Variants in PLXDC1 observed in about 807,000 individuals in gnomAD.
PLXDC1 encodes plexin domain containing 1, also known as plexin domain-containing protein 1.
PLXDC1 carries 39 observed loss-of-function variants against 61.3 expected under a neutral mutation model. The observed-to-expected ratio is 0.64, with a 90% CI of 0.49 to 0.83. PLXDC1 has a LOEUF of 0.83. Among genes scored for constraint, PLXDC1 ranks in the 40% least tolerant of loss-of-function variants. The pLI is 0.00. For missense variants in PLXDC1, 596 were observed against 666.5 expected, an observed-to-expected ratio of 0.89 and a Z score of 1.17; for synonymous variants, 212 against 254.5, an observed-to-expected ratio of 0.83 and a Z score of 1.59.
intron 2 of PLXDC1, among the ~76,000 whole-genome samples, chr17:39,120,575 A>G (rs1212913176): frequency 2.1e-5 from 3 of 145,168 alleles, no homozygotes; most frequent in Non-Finnish European, 3.0e-5. Context: ...TTTTCCACTG[A>G]CTCCAAGTTT....
chr17:39,117,529 A>G (rs1296401074), intron 2 of PLXDC1, among the ~76,000 whole-genome samples: 1 of 152,110 alleles, frequency 6.6e-6, no homozygotes, highest in Non-Finnish European at 1.5e-5. Context: ...CCAGGAGTTC[A>G]AGACCAGCTT....
intron 2 of PLXDC1, among the ~76,000 whole-genome samples, chr17:39,129,547 G>A (rs1160738133): frequency 2.1e-5 from 3 of 145,926 alleles, no homozygotes; most frequent in East Asian, 4.2e-4. Context: ...AACCCGGGAG[G>A]CGGAGGTTGC....
chr17:39,106,122 C>A, intron 6 of PLXDC1, among the ~76,000 whole-genome samples, 169 bp from the exon 7 acceptor site: 1 of 151,942 alleles, frequency 6.6e-6, no homozygotes, highest in Non-Finnish European at 1.5e-5. Flanking sequence ...CTCTCCACAC[C>A]ACCTCCAAGC....
chr17:39,150,944 G>A (rs1286578988), intron 1 of PLXDC1, among the ~76,000 whole-genome samples: 1 of 152,176 alleles, frequency 6.6e-6, no homozygotes, highest in Non-Finnish European at 1.5e-5. Context: ...CTTTGGGGTC[G>A]GGGGTGTGGC....
At chr17:39,095,656 TTTTTG>T (rs952269323) in intron 7 of PLXDC1, among the ~76,000 whole-genome samples, 1 of 150,942 alleles carries the variant, frequency 6.6e-6, no homozygotes, top group African/African-American at 2.4e-5. Flanking sequence ...GGGGGGGTTG[TTTTTG>T]TTTTGTTTTG....
chr17:39,072,527 A>G (rs1197150231), intron 11 of PLXDC1, 42 bp from the exon 12 acceptor site: 15 of 1,238,972 alleles, frequency 1.2e-5, no homozygotes, highest in Non-Finnish European at 1.7e-5. Flanking sequence ...TAGTGGAATC[A>G]TTACAGCCTT....
intron 4 of PLXDC1, 148 bp from the exon 5 acceptor site, chr17:39,108,393 TG>T: frequency 1.3e-6 from 1 of 789,706 alleles, no homozygotes; most frequent in Non-Finnish European, 2.1e-6. Context: ...TGGCGGGCTC[TG>T]GGTCTGGTGT....
chr17:39,079,806 G>T (rs1909485431), intron 9 of PLXDC1: 2 of 337,272 alleles, frequency 5.9e-6, no homozygotes, highest in South Asian at 4.6e-5. Flanking sequence ...GGTGCTAGGG[G>T]AACCCACCAA....
intron 7 of PLXDC1, among the ~76,000 whole-genome samples, chr17:39,105,181 G>A (rs1236021602): frequency 6.6e-6 from 1 of 152,214 alleles, no homozygotes; most frequent in Non-Finnish European, 1.5e-5. Flanking sequence ...GAAGAGGTCA[G>A]GTTAAAAAGT....
intron 2 of PLXDC1, among the ~76,000 whole-genome samples, chr17:39,134,801 G>T (rs1911688842): frequency 6.6e-6 from 1 of 151,990 alleles, no homozygotes; most frequent in African/African-American, 2.4e-5. Flanking sequence ...GACTCTGCTT[G>T]TGTCTGGGAA....
intron 2 of PLXDC1, among the ~76,000 whole-genome samples, chr17:39,113,454 T>C (rs1183441641): frequency 1.3e-5 from 2 of 152,184 alleles, no homozygotes; most frequent in Admixed American, 1.3e-4. Context: ...TTCCACATCA[T>C]CCCCTTGCTT....
At chr17:39,145,302 C>T (rs1213619768) in intron 1 of PLXDC1, among the ~76,000 whole-genome samples, 1 of 152,180 alleles carries the variant, frequency 6.6e-6, no homozygotes, top group African/African-American at 2.4e-5. Flanking sequence ...CCAGTCCCCT[C>T]AGCTGGCACT....
intron 2 of PLXDC1, among the ~76,000 whole-genome samples, chr17:39,109,660 T>A (rs1384158497): frequency 6.6e-6 from 1 of 152,186 alleles, no homozygotes; most frequent in Middle Eastern, 3.2e-3. Context: ...TCAGCCCTCC[T>A]GTTCCCAGAC....
At chr17:39,109,972 G>A (rs1331589330) in intron 2 of PLXDC1, among the ~76,000 whole-genome samples, 2 of 152,004 alleles carry the variant, frequency 1.3e-5, no homozygotes, top group Admixed American at 6.6e-5. Flanking sequence ...GCGAAACCTC[G>A]TCTTTACTAA....
intron 2 of PLXDC1, among the ~76,000 whole-genome samples, chr17:39,136,408 CA>C (rs1157357442): frequency 1.3e-5 from 2 of 152,056 alleles, no homozygotes; most frequent in Admixed American, 6.6e-5. Context: ...AACAGAATAT[CA>C]AAAGTTTATT....
intron 1 of PLXDC1, among the ~76,000 whole-genome samples, chr17:39,141,955 T>C (rs867276705): frequency 6.6e-6 from 1 of 152,206 alleles, no homozygotes; most frequent in African/African-American, 2.4e-5. Context: ...TTTGTATATC[T>C]TCTTTGGAGA....
At chr17:39,150,649 T>C (rs1157213429) in intron 1 of PLXDC1, among the ~76,000 whole-genome samples, 1 of 152,028 alleles carries the variant, frequency 6.6e-6, no homozygotes, top group East Asian at 1.9e-4. Flanking sequence ...AAGAGGAGTG[T>C]GCAGAATGGG....
intron 2 of PLXDC1, among the ~76,000 whole-genome samples, chr17:39,128,117 A>ATATATGTG (rs1555573192): frequency 1.0e-5 from 1 of 96,426 alleles, no homozygotes; most frequent in Non-Finnish European, 1.9e-5. Context: ...ATATATATGT[A>ATATATGTG]TATATATATG....
intron 2 of PLXDC1, among the ~76,000 whole-genome samples, chr17:39,114,092 G>A (rs1910894378): frequency 6.6e-6 from 1 of 152,114 alleles, no homozygotes; most frequent in Non-Finnish European, 1.5e-5. Flanking sequence ...CATCTTGTGA[G>A]TATAAGGACA....
Sources: gnomAD v4.1 joint callset for allele counts (sites outside exome capture counted in the v4.1 genomes callset) on GRCh38, gnomAD v4.1.1 for gene constraint, MANE v1.5 for transcripts, NCBI Gene and HGNC (gene_info 2026-07-23, HGNC 2026-07-21) for gene names.